The following XKR4 variants were observed in gnomAD, a reference collection of about 807,000 sequenced individuals.
The protein encoded by XKR4 is XK related 4.
A neutral mutation model predicts 53.9 loss-of-function variants in XKR4; 12 were observed. That is an observed-to-expected ratio of 0.22 (90% CI 0.14 to 0.36). XKR4 has a LOEUF of 0.36. XKR4 is among the 10% of genes least tolerant of loss of function. XKR4 has a pLI of 1.00. For synonymous variants in XKR4, 354 were observed against 362.4 expected (o/e 0.98, Z 0.26); for missense variants, 799 against 859.5 (o/e 0.93, Z 0.88).
chr8:55,270,784 C>A (rs978155292), intron 1 of XKR4, among the ~76,000 whole-genome samples: 1 of 152,178 alleles, frequency 6.6e-6, no homozygotes, highest in African/African-American at 2.4e-5. Context: ...GCTCTCTTTG[C>A]AAAGTCATTC....
At chr8:55,507,897 A>C (rs1669638585) in intron 2 of XKR4, among the ~76,000 whole-genome samples, 1 of 152,132 alleles carries the variant, frequency 6.6e-6, no homozygotes, top group South Asian at 2.1e-4. Context: ...TGGTATTTCT[A>C]GTTCTAGATC....
intron 2 of XKR4, among the ~76,000 whole-genome samples, chr8:55,381,210 T>C (rs1804227664): frequency 1.3e-5 from 2 of 152,198 alleles, no homozygotes; most frequent in African/African-American, 4.8e-5. Flanking sequence ...TTTCAGATCT[T>C]AGCTTTTATA....
chr8:55,233,055 C>A (rs530095487), intron 1 of XKR4, among the ~76,000 whole-genome samples: 1 of 152,302 alleles, frequency 6.6e-6, no homozygotes, highest in African/African-American at 2.4e-5. Flanking sequence ...ATCTGGAGGG[C>A]TGGATGACTG....
At chr8:55,168,279 TG>T (rs1419221491) in intron 1 of XKR4, among the ~76,000 whole-genome samples, 2 of 152,162 alleles carry the variant, frequency 1.3e-5, no homozygotes, top group Non-Finnish European at 2.9e-5. Context: ...TTGCTGTTTT[TG>T]GTTTGTGTGT....
rs1298857802 is a variant in XKR4 at position 55,289,705 on chromosome 8, G to GA, written c.807-67970dup. Among the ~76,000 whole-genome samples, 4 of 110,502 alleles carry GA rather than the reference G, an allele frequency of 3.6e-5. No homozygotes were observed. In the South Asian group the frequency reaches 1.4e-3, roughly 37 times the overall value. 72.5% of individuals were successfully genotyped at this position (110,502 alleles called of 152,430 possible). A position where few individuals can be genotyped will look rare whatever the true frequency, so the allele number is the denominator to read the frequency against. On this transcript the variant is annotated intron_variant, in intron 1 of 2. Transcript: ENST00000327381. ...AAAGAAAGAAAGAAAGAGAAAGAAA[G>GA]AAAGAAAGAGAGAGAAAGAGAAAGA...
chr8:55,114,441 T>C (rs1299193448), intron 1 of XKR4, among the ~76,000 whole-genome samples: 1 of 152,126 alleles, frequency 6.6e-6, no homozygotes, highest in Non-Finnish European at 1.5e-5. Context: ...GAGAATTTTA[T>C]GTTATCAGAA....
intron 1 of XKR4, among the ~76,000 whole-genome samples, chr8:55,294,033 G>A (rs1258844905): frequency 6.6e-5 from 10 of 152,232 alleles, no homozygotes; most frequent in Middle Eastern, 3.4e-3. Flanking sequence ...ACTGGAAAAC[G>A]GGAATATAAA....
chr8:55,304,582 A>T (rs1819263034), intron 1 of XKR4, among the ~76,000 whole-genome samples: 1 of 152,148 alleles, frequency 6.6e-6, no homozygotes, highest in Non-Finnish European at 1.5e-5. Flanking sequence ...GATCTGTCTA[A>T]TGTTGACAGT....
chr8:55,358,432 A>C (rs1187155641), intron 2 of XKR4, among the ~76,000 whole-genome samples: 3 of 152,212 alleles, frequency 2.0e-5, no homozygotes, highest in African/African-American at 7.2e-5. Context: ...ATGTTTATTA[A>C]TATTTATATA....
chr8:55,159,493 A>G (rs1563471235), intron 1 of XKR4, among the ~76,000 whole-genome samples: 1 of 152,210 alleles, frequency 6.6e-6, no homozygotes, highest in Admixed American at 6.5e-5. Flanking sequence ...GGAACATCCA[A>G]TTTGAATATT....
Position 55,447,057 on chromosome 8 carries a change from A to G in XKR4, c.1007-76224A>G, listed in dbSNP as rs867010353. Among the ~76,000 whole-genome samples, 416 of 135,478 alleles carry G rather than the reference A, an allele frequency of 3.1e-3. 2 individuals carry two copies. The highest frequency in any genetic ancestry group is 0.01 in the African/African-American group (319 of 31,094). 88.9% of individuals were successfully genotyped at this position (135,478 alleles called of 152,430 possible). ...GATGGTATAGCCTACCTGATTGGGA[A>G]AAAAAAAAAAAAAAGCAGAGGTTAG... On this transcript the variant is annotated intron_variant, in intron 2 of 2. Coordinates refer to ENST00000327381, the MANE Select transcript of XKR4 (RefSeq NM_052898.2).
At chr8:55,451,868 G>C in intron 2 of XKR4, 1 of 856,524 alleles carries the variant, frequency 1.2e-6, no homozygotes, top group Non-Finnish European at 1.9e-6. Flanking sequence ...GCTGAGGACG[G>C]GGTCAGTGTG....
At chr8:55,351,548 C>A (rs1377720883) in intron 1 of XKR4, among the ~76,000 whole-genome samples, 1 of 152,182 alleles carries the variant, frequency 6.6e-6, no homozygotes, top group Non-Finnish European at 1.5e-5. Context: ...CTCAGGGAGG[C>A]ATTTGTGGGA....
At chr8:55,462,295 C>A (rs996883703) in intron 2 of XKR4, among the ~76,000 whole-genome samples, 1 of 152,198 alleles carries the variant, frequency 6.6e-6, no homozygotes, top group Non-Finnish European at 1.5e-5. Context: ...ACTCTACAAA[C>A]CAGAAGAGAG....
intron 1 of XKR4, among the ~76,000 whole-genome samples, chr8:55,125,307 C>T (rs1014139772): frequency 3.1e-4 from 43 of 137,020 alleles, no homozygotes; most frequent in African/African-American, 1.1e-3. Context: ...CTCAGCTCAC[C>T]GCAAACTCCG....
chr8:55,152,668 C>T (rs1475094628), intron 1 of XKR4, among the ~76,000 whole-genome samples: 1 of 126,840 alleles, frequency 7.9e-6, no homozygotes, highest in African/African-American at 3.7e-5. Flanking sequence ...AATACTAATG[C>T]TTTGTGAAGC....
In XKR4 at chr8:55,530,626, T is replaced by TA. The variant is rs1454376893; in HGVS notation, c.*6405dup. 1.3e-5 allele frequency: 2 copies of TA among 152,324 alleles called. No homozygotes were observed. Among genetic ancestry groups the TA allele is most frequent in the East Asian group, 3.9e-4 (2 of 5,192 alleles). 9.4% of individuals were successfully genotyped at this position (152,324 alleles called of 1,614,324 possible). A position where few individuals can be genotyped will look rare whatever the true frequency, so the allele number is the denominator to read the frequency against. On this transcript the variant is annotated 3_prime_UTR_variant, in exon 3 of 3. Transcript: ENST00000327381. ...TTTTCTCAACCCTGGTGTTTATTTTTAAAAAATCTTCAATGATCAATATGA... is the reference window on the plus strand; with the variant it reads ...TTTTCTCAACCCTGGTGTTTATTTTTAAAAAAATCTTCAATGATCAATATGA...
At position 55,528,636 on chromosome 8, in the gene XKR4, T is replaced by C. The variant is rs1806908722; in HGVS notation, c.*4409T>C. On this transcript the variant is annotated 3_prime_UTR_variant, in exon 3 of 3. Coordinates refer to ENST00000327381, the MANE Select transcript of XKR4 (RefSeq NM_052898.2). ...GCCTTTTTAAAAATAGCTCATACTGTCATTCAGATTATAGCTCAGAGGATG... is the reference window on the plus strand; with the variant it reads ...GCCTTTTTAAAAATAGCTCATACTGCCATTCAGATTATAGCTCAGAGGATG... 1 of 152,214 alleles carries C rather than the reference T, an allele frequency of 6.6e-6. No homozygotes were observed. The highest frequency in any genetic ancestry group is 1.5e-5 in the Non-Finnish European group (1 of 68,038). The allele number at this position is 152,214 out of a possible 1,614,324, so 9.4% of individuals were successfully genotyped here.
intron 1 of XKR4, among the ~76,000 whole-genome samples, chr8:55,188,779 G>C (rs575786085): frequency 2.4e-4 from 36 of 152,274 alleles, no homozygotes; most frequent in African/African-American, 8.4e-4. Flanking sequence ...ACTTAACCCT[G>C]CTAAGCCTCA....
Sources: allele counts gnomAD v4.1 joint callset (sites outside exome capture counted in the v4.1 genomes callset), GRCh38; gene constraint gnomAD v4.1.1; transcripts MANE v1.5; gene names NCBI Gene and HGNC (gene_info 2026-07-23, HGNC 2026-07-21).